EDARADD: variants seen among roughly 807,000 people sequenced by gnomAD.
The protein encoded by EDARADD is ectodysplasin-A receptor-associated adapter protein.
EDARADD carries 20 observed loss-of-function variants against 25.6 expected under a neutral mutation model. That is an observed-to-expected ratio of 0.78 (90% CI 0.55 to 1.14). The LOEUF (loss-of-function observed/expected upper bound fraction) is 1.14, where lower values mean the gene tolerates loss of function less well. EDARADD is among the 50% of genes most tolerant of loss of function. The pLI is 0.00. For synonymous variants in EDARADD, 86 were observed against 94.4 expected (o/e 0.91, Z 0.52); for missense variants, 225 against 270.1 (o/e 0.83, Z 1.17).
upstream of EDARADD, among the ~76,000 whole-genome samples, chr1:236,390,264 A>C (rs1667405636): frequency 1.3e-5 from 2 of 151,954 alleles, no homozygotes; most frequent in South Asian, 4.2e-4. Flanking sequence ...CCACTAAAGA[A>C]CTTACTCATG....
intron 4 of EDARADD, among the ~76,000 whole-genome samples, chr1:236,452,968 G>A (rs1038514185): frequency 6.6e-6 from 1 of 152,150 alleles, no homozygotes; most frequent in Non-Finnish European, 1.5e-5. Context: ...TGTTCTAAAT[G>A]CTGCTTCGGT....
At chr1:236,353,678 CAAAA>C (rs34798233) in intron 3 of EDARADD, among the ~76,000 whole-genome samples, 2 of 78,716 alleles carry the variant, frequency 2.5e-5, no homozygotes, top group African/African-American at 4.8e-5. Context: ...ACTCCAACTC[CAAAA>C]AAAAAAAAAA....
chr1:236,474,196 G>A (rs1659444520), intron 5 of EDARADD, among the ~76,000 whole-genome samples: 1 of 152,074 alleles, frequency 6.6e-6, no homozygotes, highest in Admixed American at 6.5e-5. Context: ...ACTCAGGGCA[G>A]GGCTACCATA....
chr1:236,459,250 C>T (rs576535444), intron 4 of EDARADD, among the ~76,000 whole-genome samples: 19 of 152,224 alleles, frequency 1.2e-4, no homozygotes, highest in African/African-American at 4.1e-4. Context: ...TCCATAGCCC[C>T]GTGCTCTACT....
chr1:236,459,290 T>C (rs16833707), intron 4 of EDARADD, among the ~76,000 whole-genome samples: 35,872 of 152,060 alleles, frequency 0.24, 5,273 homozygotes, highest in East Asian at 0.43. Flanking sequence ...CATAATCTCC[T>C]GTAAAATACT....
chr1:236,451,822 G>A (rs6677407), intron 4 of EDARADD, among the ~76,000 whole-genome samples: 11,991 of 152,116 alleles, frequency 0.079, 914 homozygotes, highest in African/African-American at 0.19. Flanking sequence ...CCCCGGAGAT[G>A]AGAATTTGGC....
At chr1:236,477,012 A>C (rs1659526480) in intron 5 of EDARADD, among the ~76,000 whole-genome samples, 1 of 151,358 alleles carries the variant, frequency 6.6e-6, no homozygotes, top group Non-Finnish European at 1.5e-5. Context: ...ATAGTATCCA[A>C]ATAAACACAA....
rs1347584306 is a variant in EDARADD at position 236,432,776 on chromosome 1, C to T, written c.219+5326C>T. Among the ~76,000 whole-genome samples, 5 of 152,018 alleles carry T rather than the reference C, an allele frequency of 3.3e-5. No homozygotes were observed. In the South Asian group the frequency reaches 8.3e-4, roughly 25 times the overall value. On this transcript the variant is annotated intron_variant, in intron 4 of 5. Transcript: ENST00000334232. ...GGTGGGTGCCTGTAATCCCAGCTAT[C>T]TGGGAGGCTAAGGCAGGAGAATTGC...
chr1:236,425,540 G>T (rs113996752), intron 3 of EDARADD, among the ~76,000 whole-genome samples: 2,304 of 152,304 alleles, frequency 0.015, 60 homozygotes, highest in African/African-American at 0.053. Flanking sequence ...TGCCTGTACA[G>T]CTGCCCCAAG....
intron 1 of EDARADD, among the ~76,000 whole-genome samples, chr1:236,404,686 C>T (rs763857213): frequency 1.3e-5 from 2 of 152,114 alleles, no homozygotes; most frequent in Non-Finnish European, 1.5e-5. Context: ...GTCTGTGGTC[C>T]CAGCTACTTG....
intron 4 of EDARADD, among the ~76,000 whole-genome samples, chr1:236,435,404 T>C (rs574111010): frequency 5.3e-5 from 8 of 152,356 alleles, no homozygotes; most frequent in African/African-American, 1.7e-4. Flanking sequence ...CTCCTGTGTC[T>C]TTTTGCTCAT....
intron 4 of EDARADD, among the ~76,000 whole-genome samples, chr1:236,449,167 C>T (rs1227452758): frequency 6.6e-6 from 1 of 152,162 alleles, no homozygotes; most frequent in Non-Finnish European, 1.5e-5. Flanking sequence ...TGTGTTCAGG[C>T]CTGTCTCCAA....
chr1:236,439,899 C>T (rs1459566925), intron 4 of EDARADD, among the ~76,000 whole-genome samples: 2 of 152,100 alleles, frequency 1.3e-5, no homozygotes, highest in African/African-American at 2.4e-5. Flanking sequence ...GCCTTTGGTA[C>T]TATATCTAAA....
chr1:236,352,400 C>G (rs1264256485), intron 3 of EDARADD, among the ~76,000 whole-genome samples: 1 of 152,142 alleles, frequency 6.6e-6, no homozygotes, highest in African/African-American at 2.4e-5. Context: ...AAACCAATAG[C>G]CTCCCGTAAA....
chr1:236,473,696 C>T (rs1659423409), intron 5 of EDARADD, among the ~76,000 whole-genome samples: 1 of 152,054 alleles, frequency 6.6e-6, no homozygotes, highest in Middle Eastern at 3.4e-3. Flanking sequence ...GAGGTGGGAG[C>T]GTTGTTTGAA....
intron 3 of EDARADD, among the ~76,000 whole-genome samples, chr1:236,381,386 A>G (rs1667293964): frequency 6.6e-6 from 1 of 151,852 alleles, no homozygotes. Context: ...GTACATGTGC[A>G]CAACGTGCAG....
At chr1:236,403,310 A>T (rs1667647923) in intron 1 of EDARADD, among the ~76,000 whole-genome samples, 1 of 147,834 alleles carries the variant, frequency 6.8e-6, no homozygotes, top group Non-Finnish European at 1.5e-5. Flanking sequence ...TTTTTTGAGA[A>T]GGAGTCTCGC....
At chr1:236,370,599 G>A (rs762092906) in intron 3 of EDARADD, among the ~76,000 whole-genome samples, 2 of 152,156 alleles carry the variant, frequency 1.3e-5, no homozygotes, top group Admixed American at 6.6e-5. Context: ...CTGATCAGTC[G>A]GAGATGAAAT....
Position 236,483,652 on chromosome 1 carries a change from T to G in EDARADD, c.*1003T>G. The G allele has an allele frequency of 6.3e-7, 1 of 1,575,018 alleles. No homozygotes were observed. The highest frequency in any genetic ancestry group is 1.1e-5 in the South Asian group (1 of 90,316). On this transcript the variant is annotated 3_prime_UTR_variant, in exon 6 of 6. Coordinates refer to ENST00000334232, the MANE Select transcript of EDARADD (RefSeq NM_145861.4). ...GGCAGTTCTCATGCTGTCACCAAGCTGGCCATGCAGGAGTTCATGGTCCTC... is the reference window on the plus strand; with the variant it reads ...GGCAGTTCTCATGCTGTCACCAAGCGGGCCATGCAGGAGTTCATGGTCCTC...
Sources: allele counts gnomAD v4.1 joint callset (sites outside exome capture counted in the v4.1 genomes callset), GRCh38; gene constraint gnomAD v4.1.1; transcripts MANE v1.5; gene names NCBI Gene and HGNC (gene_info 2026-07-23, HGNC 2026-07-21).